CEP44: variants seen among roughly 807,000 people sequenced by gnomAD.
CEP44 encodes the protein centrosomal protein 44, also known as centrosomal protein of 44 kDa.
Under a neutral mutation model 46.7 loss-of-function variants are expected in CEP44, and 45 were observed. That is an observed-to-expected ratio of 0.96 (90% CI 0.76 to 1.24). The LOEUF is 1.24. Among genes scored for constraint, CEP44 ranks in the 50% most tolerant of loss-of-function variants. The probability of loss-of-function intolerance (pLI) is 0.00; values close to 1 mark genes in which losing one functional copy is unlikely to be tolerated. For synonymous variants in CEP44, 142 were observed against 146.0 expected (o/e 0.97, Z 0.20); for missense variants, 475 against 459.7 (o/e 1.03, Z -0.30).
chr4:174,331,454 A>T lies in CEP44; in HGVS notation c.1087-28A>T. On this transcript the variant is annotated intron_variant, in intron 8 of 8. Transcript: ENST00000426172. The surrounding 1 kb of genome is among the most constrained non-coding windows in gnomAD (Gnocchi z 4.5). ...TGCCAATGCATTTAGATCATATTTT[A>T]ATGTATAATTTTGTGTTTCCTTTCT... 3 of 1,549,958 alleles carry T rather than the reference A, an allele frequency of 1.9e-6. No individual in the cohort carries two copies. Among genetic ancestry groups the T allele is most frequent in the Non-Finnish European group, 2.6e-6 (3 of 1,146,090 alleles).
In CEP44 at chr4:174,290,382, A is replaced by G. The variant is rs1283846978; in HGVS notation, c.-148+6439A>G. Among the ~76,000 whole-genome samples, 2 of 141,360 alleles carry G rather than the reference A, an allele frequency of 1.4e-5. No homozygotes were observed. Among genetic ancestry groups the G allele is most frequent in the African/African-American group, 5.0e-5 (2 of 40,332 alleles). The allele number at this position is 141,360 out of a possible 152,430, so 92.7% of individuals were successfully genotyped here. A position where few individuals can be genotyped will look rare whatever the true frequency, so the allele number is the denominator to read the frequency against. ...CTTTCTATTATTGATTTCTAGTTTC[A>G]TTCCCTCGTGATCAGACAAAATGTT... On this transcript the variant is annotated intron_variant, in intron 1 of 11. Coordinates refer to ENST00000503780, the MANE Select transcript of CEP44 (RefSeq NM_001040157.3). This position sits in a 1 kb window ranked among gnomAD's most constrained non-coding sequence, Gnocchi z 4.3.
In CEP44 at chr4:174,283,948, G is replaced by T. The variant is rs919668955; in HGVS notation, c.-148+5G>T. ...AGCTTTGAAGGTCTTGCGGTGGTGCGTGGCGGGCAGGAACCCACAATTCCA... is the reference window on the plus strand; with the variant it reads ...AGCTTTGAAGGTCTTGCGGTGGTGCTTGGCGGGCAGGAACCCACAATTCCA... On this transcript the variant is annotated splice_donor_5th_base_variant and intron_variant, in intron 1 of 11. Transcript: ENST00000503780. The surrounding 1 kb of genome is among the most constrained non-coding windows in gnomAD (Gnocchi z 6.7). 3 of 399,012 alleles carry T rather than the reference G, an allele frequency of 7.5e-6. No individual in the cohort carries two copies. The highest frequency in any genetic ancestry group is 1.3e-5 in the Non-Finnish European group (3 of 226,278). 24.7% of individuals were successfully genotyped at this position (399,012 alleles called of 1,614,324 possible).
Position 174,310,088 on chromosome 4 carries a change from C to T in CEP44, c.885+32C>T. The T allele has an allele frequency of 6.3e-7, 1 of 1,575,994 alleles. No homozygotes were observed. The highest frequency in any genetic ancestry group is 1.4e-5 in the African/African-American group (1 of 72,904). On this transcript the variant is annotated intron_variant, in intron 8 of 11. Transcript: ENST00000503780. This position sits in a 1 kb window ranked among gnomAD's most constrained non-coding sequence, Gnocchi z 4.2. ...TCCTCCTTTAACATTTATAAAATAT[C>T]TCAGATATAACAAAGTTTTTTTTTG...
chr4:174,328,119 G>T (rs1009749682), intron 8 of CEP44, among the ~76,000 whole-genome samples: 2 of 152,140 alleles, frequency 1.3e-5, no homozygotes, highest in African/African-American at 2.4e-5. Context: ...ACTTAAACTG[G>T]CTTAAGCATG....
At chr4:174,295,213 G>C (rs574573637) in intron 1 of CEP44, among the ~76,000 whole-genome samples, 1 of 150,086 alleles carries the variant, frequency 6.7e-6, no homozygotes, top group African/African-American at 2.5e-5. Context: ...GGGCGGAGGG[G>C]CTCCTCACTT....
intron 1 of CEP44, among the ~76,000 whole-genome samples, chr4:174,289,610 T>C (rs1737950825): frequency 6.6e-6 from 1 of 152,088 alleles, no homozygotes; most frequent in African/African-American, 2.4e-5. Flanking sequence ...ATTTCTGATT[T>C]TGTTTGAGTC....
At chr4:174,304,939 C>T (rs1288578843) in intron 6 of CEP44, among the ~76,000 whole-genome samples, 1 of 152,178 alleles carries the variant, frequency 6.6e-6, no homozygotes, top group African/African-American at 2.4e-5. Context: ...TACAGTGTTT[C>T]TATCACTAAG....
chr4:174,324,518 A>G (rs1013600853), downstream of CEP44, among the ~76,000 whole-genome samples: 4 of 152,160 alleles, frequency 2.6e-5, no homozygotes, highest in Non-Finnish European at 4.4e-5. Flanking sequence ...GCAATGTATG[A>G]GAGTTTCAGT....
intron 6 of CEP44, 38 bp downstream of exon 6, chr4:174,304,407 G>A (rs1740142864): frequency 1.9e-6 from 3 of 1,592,076 alleles, no homozygotes; most frequent in Non-Finnish European, 2.6e-6. Context: ...TTGTTTAAGA[G>A]TTATCTAATT....
rs1285001597 is a variant in CEP44 at position 174,287,944 on chromosome 4, G to T, written c.-148+4001G>T. On this transcript the variant is annotated intron_variant, in intron 1 of 11. Coordinates refer to ENST00000503780, the MANE Select transcript of CEP44 (RefSeq NM_001040157.3). This position sits in a 1 kb window ranked among gnomAD's most constrained non-coding sequence, Gnocchi z 5.1. ...TGCTAACTGAACGAGAAAATTCTGT[G>T]TGTGAGAATGGAAAACTTTGGGTGA... Among the ~76,000 whole-genome samples the T allele has an allele frequency of 2.0e-5, 3 of 152,182 alleles. No homozygotes were observed. The highest frequency in any genetic ancestry group is 1.9e-4 in the East Asian group (1 of 5,198).
chr4:174,284,465 C>G (rs1337479826), intron 1 of CEP44, among the ~76,000 whole-genome samples: 2 of 152,180 alleles, frequency 1.3e-5, no homozygotes, highest in African/African-American at 2.4e-5. Flanking sequence ...GACAGGACAG[C>G]AGTTCGTGTT....
At chr4:174,285,203 A>G (rs564548502) in intron 1 of CEP44, among the ~76,000 whole-genome samples, 3 of 152,202 alleles carry the variant, frequency 2.0e-5, no homozygotes, top group African/African-American at 4.8e-5. Context: ...TAAGTTGAAA[A>G]TGTTAAATTT....
At position 174,318,076 on chromosome 4, in the gene CEP44, A is replaced by AG. The variant is rs1005327903; in HGVS notation, c.*700dup. The AG allele has an allele frequency of 2.3e-5, 23 of 984,612 alleles. No individual in the cohort carries two copies. Among genetic ancestry groups the AG allele is most frequent in the Middle Eastern group, 5.2e-4 (1 of 1,936 alleles). The allele number at this position is 984,612 out of a possible 1,614,324, so 61.0% of individuals were successfully genotyped here. On this transcript the variant is annotated 3_prime_UTR_variant, in exon 12 of 12. Coordinates refer to ENST00000503780, the MANE Select transcript of CEP44 (RefSeq NM_001040157.3). ...ATGCTCTATTGTATAATTTTTTTGG[A>AG]GGGGGGGATGGAGTTTCGCTGTTGT...
At chr4:174,308,303 A>T (rs1034928248) in intron 6 of CEP44, among the ~76,000 whole-genome samples, 3 of 152,204 alleles carry the variant, frequency 2.0e-5, no homozygotes, top group African/African-American at 7.2e-5. Flanking sequence ...GCCGTAAAAA[A>T]TAATGGGATC....
chr4:174,312,437 C>T lies in CEP44; in HGVS notation c.961+1579C>T, dbSNP rs936135149. On this transcript the variant is annotated intron_variant, in intron 9 of 11. Coordinates refer to ENST00000503780, the MANE Select transcript of CEP44 (RefSeq NM_001040157.3). This position sits in a 1 kb window ranked among gnomAD's most constrained non-coding sequence, Gnocchi z 4.5. ...TCCTGAGTAGCTGGGACTACAGGTACGTGCCACCACACCTGGATAATTTTT... is the reference window on the plus strand; with the variant it reads ...TCCTGAGTAGCTGGGACTACAGGTATGTGCCACCACACCTGGATAATTTTT... Among the ~76,000 whole-genome samples the T allele has an allele frequency of 5.9e-5, 9 of 151,828 alleles. No individual in the cohort carries two copies. Among genetic ancestry groups the T allele is most frequent in the Non-Finnish European group, 1.2e-4 (8 of 67,980 alleles).
intron 1 of CEP44, among the ~76,000 whole-genome samples, chr4:174,295,354 G>T (rs948449224): frequency 1.3e-5 from 2 of 151,212 alleles, no homozygotes; most frequent in African/African-American, 4.9e-5. Flanking sequence ...AGACGGGGCG[G>T]CAGGGGCAGA....
intron 4 of CEP44, among the ~76,000 whole-genome samples, chr4:174,302,881 A>G (rs1290827226): frequency 6.6e-6 from 1 of 151,698 alleles, no homozygotes; most frequent in African/African-American, 2.4e-5. Flanking sequence ...CCTGGGTTCA[A>G]GCAGTTCCCC....
intron 10 of CEP44, 37 bp from the exon 11 acceptor site, chr4:174,316,493 G>T: frequency 6.5e-7 from 1 of 1,538,410 alleles, no homozygotes; most frequent in South Asian, 1.2e-5. Context: ...GGTTTACTTT[G>T]AGAAATCATC....
chr4:174,324,143 TATC>T (rs1358396027), downstream of CEP44, among the ~76,000 whole-genome samples: 1 of 152,182 alleles, frequency 6.6e-6, no homozygotes, highest in East Asian at 1.9e-4. Context: ...TTTATATTAA[TATC>T]ATCATACCAT....
Sources: allele counts gnomAD v4.1 joint callset (sites outside exome capture counted in the v4.1 genomes callset), GRCh38; gene constraint gnomAD v4.1.1; non-coding constraint Gnocchi (gnomAD v3.1); transcripts MANE v1.5; gene names NCBI Gene and HGNC (gene_info 2026-07-23, HGNC 2026-07-21).